UBN2: variants seen among roughly 807,000 people sequenced by gnomAD.
UBN2 encodes ubinuclein-2.
In UBN2, 35 loss-of-function variants were observed where a neutral mutation model predicts 120.2. The ratio of observed to expected loss-of-function variants is 0.29; its 90% confidence interval spans 0.22 to 0.39. The LOEUF (loss-of-function observed/expected upper bound fraction) is 0.39. UBN2 is among the 10% of genes least tolerant of loss of function. UBN2 has a pLI of 1.00. For missense variants in UBN2, 1,693 were observed against 1,663.2 expected, an observed-to-expected ratio of 1.02 and a Z score of -0.31; for synonymous variants, 661 against 648.7, an observed-to-expected ratio of 1.02 and a Z score of -0.29.
chr7:139,279,401 G>T (rs1797536988), intron 13 of UBN2, 41 bp downstream of exon 13: 1 of 1,488,382 alleles, frequency 6.7e-7, no homozygotes, highest in East Asian at 2.3e-5. Flanking sequence ...TATAGTTGGT[G>T]AATGTTGAAA....
intron 17 of UBN2, among the ~76,000 whole-genome samples, chr7:139,297,082 T>C (rs578061604): frequency 4.6e-5 from 7 of 151,422 alleles, no homozygotes; most frequent in Non-Finnish European, 1.0e-4. Flanking sequence ...TAATCCCAGC[T>C]ACTCGGGAGG....
rs917403175 is a variant in UBN2, at chr7:139,298,971, G to A, written c.*1135G>A. 3 of 152,088 alleles carry A rather than the reference G, an allele frequency of 2.0e-5. No individual in the cohort carries two copies. Among genetic ancestry groups the A allele is most frequent in the African/African-American group, 4.8e-5 (2 of 41,424 alleles). The allele number at this position is 152,088 out of a possible 1,614,324, so 9.4% of individuals were successfully genotyped here. ...GGAATCACATTAGGATCACAATCAC[G>A]ACATATTTTTACTCCCTGTATCCAG... On this transcript the variant is annotated 3_prime_UTR_variant, in exon 18 of 18. Coordinates refer to ENST00000473989, the MANE Select transcript of UBN2 (RefSeq NM_173569.4).
At position 139,303,954 on chromosome 7, in the gene UBN2, A is replaced by G. The variant is rs1042403449; in HGVS notation, c.*6118A>G. 47 of 152,262 alleles carry G rather than the reference A, an allele frequency of 3.1e-4. No homozygotes were observed. The highest frequency in any genetic ancestry group is 1.1e-3 in the African/African-American group (46 of 41,552). The allele number at this position is 152,262 out of a possible 1,614,324, so 9.4% of individuals were successfully genotyped here. A position where few individuals can be genotyped will look rare whatever the true frequency, so the allele number is the denominator to read the frequency against. ...GGAGCTAAAGTTAGATAAAGTTATG[A>G]TGCTTGGTTATTGGAGTTGATAAAT... On this transcript the variant is annotated 3_prime_UTR_variant, in exon 18 of 18. Transcript: ENST00000473989.
At chr7:139,325,105 A>C in the UBN2 span, among the ~76,000 whole-genome samples, 1 of 152,130 alleles carries the variant, frequency 6.6e-6, no homozygotes, top group Non-Finnish European at 1.5e-5. Context: ...TTTTCAAAAT[A>C]TGTGTTTCAT....
chr7:139,316,362 C>G, the UBN2 span, among the ~76,000 whole-genome samples: 2 of 152,102 alleles, frequency 1.3e-5, no homozygotes, highest in Non-Finnish European at 2.9e-5. Flanking sequence ...TGGTTTTAAA[C>G]TTGTTAGAAC....
chr7:139,241,687 C>T (rs984687074), intron 2 of UBN2, among the ~76,000 whole-genome samples: 17 of 151,852 alleles, frequency 1.1e-4, no homozygotes, highest in Admixed American at 2.6e-4. Context: ...GAGACCCTGT[C>T]TCTAATAAGA....
intron 14 of UBN2, 88 bp downstream of exon 14, chr7:139,282,143 G>A (rs541099009): frequency 5.1e-6 from 6 of 1,173,984 alleles, no homozygotes; most frequent in Admixed American, 1.8e-5. Flanking sequence ...AAGAGACTTT[G>A]ATACGACTTT....
intron 2 of UBN2, among the ~76,000 whole-genome samples, chr7:139,248,403 C>T (rs1371301612): frequency 1.3e-5 from 2 of 152,102 alleles, no homozygotes; most frequent in East Asian, 1.9e-4. Flanking sequence ...AGTGTTTGAG[C>T]AGTCCTATTC....
intron 8 of UBN2, among the ~76,000 whole-genome samples, chr7:139,271,384 C>A (rs1296422054): frequency 6.6e-6 from 1 of 151,886 alleles, no homozygotes; most frequent in East Asian, 1.9e-4. Context: ...GCCAGGAGTT[C>A]GAGACCAGCC....
Position 139,298,058 on chromosome 7 carries a change from T to C in UBN2, c.*222T>C. The C allele has an allele frequency of 6.0e-6, 3 of 500,450 alleles. No homozygotes were observed. The highest frequency in any genetic ancestry group is 7.1e-6 in the Non-Finnish European group (2 of 280,498). 31.0% of individuals were successfully genotyped at this position (500,450 alleles called of 1,614,324 possible). A position where few individuals can be genotyped will look rare whatever the true frequency, so the allele number is the denominator to read the frequency against. On this transcript the variant is annotated 3_prime_UTR_variant, in exon 18 of 18. Transcript: ENST00000473989. ...TGCAAAGTTAGTGACCTTTGGTCTC[T>C]TCTAAAGAATGACAGAGTTACCGTA... is the stretch of plus-strand genomic sequence containing the variant.
the UBN2 span, among the ~76,000 whole-genome samples, chr7:139,322,234 A>G: frequency 1.3e-5 from 2 of 152,204 alleles, no homozygotes; most frequent in Non-Finnish European, 2.9e-5. Context: ...TCGGCCTCCC[A>G]AAGTGCTGGG....
intron 5 of UBN2, 51 bp from the exon 6 acceptor site, chr7:139,261,201 T>G: frequency 6.5e-7 from 1 of 1,528,540 alleles, no homozygotes; most frequent in South Asian, 1.3e-5. Flanking sequence ...TATGTGACAC[T>G]TTAACGTTTA....
intron 1 of UBN2, among the ~76,000 whole-genome samples, chr7:139,235,468 G>A (rs1452844479): frequency 6.6e-6 from 1 of 152,130 alleles, no homozygotes; most frequent in Non-Finnish European, 1.5e-5. Flanking sequence ...CGCAATCTCA[G>A]CATCTCAGCT....
rs912401118 is a variant in UBN2, at chr7:139,302,963, CAT to C, written c.*5128_*5129del. 7 of 152,162 alleles carry C rather than the reference CAT, an allele frequency of 4.6e-5. No homozygotes were observed. Among genetic ancestry groups the C allele is most frequent in the African/African-American group, 9.7e-5 (4 of 41,448 alleles). 9.4% of individuals were successfully genotyped at this position (152,162 alleles called of 1,614,324 possible). A position where few individuals can be genotyped will look rare whatever the true frequency, so the allele number is the denominator to read the frequency against. On this transcript the variant is annotated 3_prime_UTR_variant, in exon 18 of 18. Transcript: ENST00000473989. ...CATTGGTAAGGTGCGCTAGACTAAACATGTGACAAGGCTAGCGTTAGAACCGC... is the reference window on the plus strand; with the variant it reads ...CATTGGTAAGGTGCGCTAGACTAAACGTGACAAGGCTAGCGTTAGAACCGC...
chr7:139,232,085 G>C lies in UBN2; in HGVS notation c.468+133G>C, dbSNP rs573437047. Reference sequence around the variant, plus strand: ...CCCGAGGGTGGGGTGCGGGGGGCCGGGGCCGAGCGGGTGGACGGGGCGGTG... The same window carrying C: ...CCCGAGGGTGGGGTGCGGGGGGCCGCGGCCGAGCGGGTGGACGGGGCGGTG... On this transcript the variant is annotated intron_variant, in intron 1 of 17. Transcript: ENST00000473989. The C allele has an allele frequency of 1.4e-3, 1,082 of 789,596 alleles. 10 individuals carry two copies. The highest frequency in any genetic ancestry group is 5.8e-3 in the South Asian group (306 of 52,836). The allele number at this position is 789,596 out of a possible 1,614,324, so 48.9% of individuals were successfully genotyped here.
intron 16 of UBN2, 109 bp from the exon 17 acceptor site, chr7:139,293,780 C>T: frequency 9.9e-7 from 1 of 1,013,968 alleles, no homozygotes; most frequent in Non-Finnish European, 1.5e-6. Flanking sequence ...TTTAGAAGGC[C>T]TTCGAAGTCA....
At chr7:139,295,059 TCTTAA>T (rs1252604833) in intron 17 of UBN2, among the ~76,000 whole-genome samples, 3 of 151,684 alleles carry the variant, frequency 2.0e-5, no homozygotes, top group African/African-American at 4.8e-5. Context: ...TTAGCTGCCC[TCTTAA>T]CTTTGGAAGT....
At chr7:139,277,572 A>G (rs1797482289) in intron 12 of UBN2, 1 of 152,254 alleles carries the variant, frequency 6.6e-6, no homozygotes, top group Admixed American at 6.5e-5. Flanking sequence ...TCAACTGTAT[A>G]TCAGAGATGC....
chr7:139,303,877 G>C lies in UBN2; in HGVS notation c.*6041G>C, dbSNP rs1402239454. On this transcript the variant is annotated 3_prime_UTR_variant, in exon 18 of 18. Transcript: ENST00000473989. ...GGGAGAGAAATAACACTAAGTTTAA[G>C]TAGTTTTTTTTAGCCTTTTACGGTG... The C allele has an allele frequency of 6.6e-6, 1 of 152,160 alleles. No individual in the cohort carries two copies. Among genetic ancestry groups the C allele is most frequent in the Non-Finnish European group, 1.5e-5 (1 of 68,030 alleles). The allele number at this position is 152,160 out of a possible 1,614,324, so 9.4% of individuals were successfully genotyped here.
Sources: allele counts gnomAD v4.1 joint callset (sites outside exome capture counted in the v4.1 genomes callset), GRCh38; gene constraint gnomAD v4.1.1; transcripts MANE v1.5; gene names NCBI Gene and HGNC (gene_info 2026-07-23, HGNC 2026-07-21).